The following GNAI1 variants were observed in gnomAD, a reference collection of about 807,000 sequenced individuals.
The protein encoded by GNAI1 is G protein subunit alpha i1, also known as guanine nucleotide-binding protein G(i) subunit alpha-1.
Under a neutral mutation model 38.9 loss-of-function variants are expected in GNAI1, and 11 were observed. That is an observed-to-expected ratio of 0.28 (90% CI 0.18 to 0.47). The LOEUF is 0.47. Among genes scored for constraint, GNAI1 ranks in the 20% least tolerant of loss-of-function variants. GNAI1 has a pLI of 0.99. For missense variants in GNAI1, 317 were observed against 436.9 expected (o/e 0.73, Z 2.45); for synonymous variants, 166 against 145.1 (o/e 1.14, Z -1.04).
At chr7:80,203,904 TAAA>T (rs1788730145) in intron 5 of GNAI1, 72 bp downstream of exon 5, 2 of 914,250 alleles carry the variant, frequency 2.2e-6, no homozygotes, top group Non-Finnish European at 3.2e-6. Flanking sequence ...AAAAGTGTAA[TAAA>T]AGTTTACAAC....
At position 80,203,619 on chromosome 7, in the gene GNAI1, T is replaced by C. The variant is rs1788726006; in HGVS notation, c.462-85T>C. On this transcript the variant is annotated intron_variant, in intron 4 of 7. Transcript: ENST00000649796. ...TAGTGATTTCAGATTATCGCTTGTA[T>C]TGAAATGTGTTTTAATTTTTGTTTT... 1.5e-5 allele frequency: 12 copies of C among 791,584 alleles called. No homozygotes were observed. The South Asian group carries it at 1.8e-4, about 12-fold the overall frequency. 49.0% of individuals were successfully genotyped at this position (791,584 alleles called of 1,614,324 possible). A position where few individuals can be genotyped will look rare whatever the true frequency, so the allele number is the denominator to read the frequency against.
At chr7:80,175,158 A>G (rs549639247) in intron 1 of GNAI1, among the ~76,000 whole-genome samples, 62 of 152,204 alleles carry the variant, frequency 4.1e-4, no homozygotes, top group Non-Finnish European at 7.2e-4. Flanking sequence ...AGAGTTAGCC[A>G]TTCACTTCAA....
rs1425793902 is a variant in GNAI1, at chr7:80,223,101, C to G, written c.*5608C>G. Among the ~76,000 whole-genome samples, 3 of 152,142 alleles carry G rather than the reference C, an allele frequency of 2.0e-5. No individual in the cohort carries two copies. The highest frequency in any genetic ancestry group is 7.2e-5 in the African/African-American group (3 of 41,418). The stretch of plus-strand genomic sequence containing the variant: ...AATATGGTTTCTAACTGAATGCATA[C>G]CAGTTTCGCACCAATGTAAAGTTGA... On this transcript the variant is annotated 3_prime_UTR_variant, in exon 8 of 8. Coordinates refer to ENST00000649796, the MANE Select transcript of GNAI1 (RefSeq NM_002069.6).
chr7:80,172,554 T>C (rs1172609426), intron 1 of GNAI1, among the ~76,000 whole-genome samples: 5 of 152,196 alleles, frequency 3.3e-5, no homozygotes, highest in Non-Finnish European at 5.9e-5. Flanking sequence ...ACCTTTTTTT[T>C]CTTGAAGTAT....
At chr7:80,176,074 C>T (rs547765364) in intron 1 of GNAI1, among the ~76,000 whole-genome samples, 28 of 152,130 alleles carry the variant, frequency 1.8e-4, no homozygotes, top group Non-Finnish European at 2.9e-4. Context: ...AAACATTTAG[C>T]CAAGTTGTGA....
chr7:80,203,491 T>C (rs536489466), intron 4 of GNAI1, among the ~76,000 whole-genome samples: 9 of 152,198 alleles, frequency 5.9e-5, no homozygotes, highest in Non-Finnish European at 7.4e-5. Context: ...TAAAAGAGCT[T>C]TGTGGTTGCA....
intron 3 of GNAI1, among the ~76,000 whole-genome samples, chr7:80,194,028 A>T (rs144876417): frequency 1.4e-3 from 218 of 152,070 alleles, no homozygotes; most frequent in African/African-American, 4.8e-3. Context: ...ATTTACTTTC[A>T]TTAGTTAGTT....
At chr7:80,204,566 A>C (rs187939319) in intron 5 of GNAI1, among the ~76,000 whole-genome samples, 4 of 152,186 alleles carry the variant, frequency 2.6e-5, no homozygotes, top group African/African-American at 9.6e-5. Context: ...GGACTTAAAC[A>C]CAACGAAATA....
chr7:80,188,855 G>GGTGTGTGT (rs148159852), intron 1 of GNAI1, 96 bp from the exon 2 acceptor site: 4 of 700,376 alleles, frequency 5.7e-6, no homozygotes, highest in African/African-American at 1.8e-5. Context: ...AGAGAGACTG[G>GGTGTGTGT]GTGTGTGTGT....
chr7:80,163,005 G>T (rs1787949364), intron 1 of GNAI1, among the ~76,000 whole-genome samples: 1 of 152,108 alleles, frequency 6.6e-6, no homozygotes, highest in Admixed American at 6.5e-5. Context: ...GTTTGTTTTA[G>T]GGAATGTGGC....
At chr7:80,178,981 T>G (rs1174811580) in intron 1 of GNAI1, among the ~76,000 whole-genome samples, 2 of 152,204 alleles carry the variant, frequency 1.3e-5, no homozygotes, top group Admixed American at 1.3e-4. Context: ...ATGGATTTTC[T>G]TCTTATATTT....
intron 5 of GNAI1, among the ~76,000 whole-genome samples, chr7:80,205,924 GC>G (rs1173612270): frequency 2.0e-5 from 3 of 151,964 alleles, no homozygotes; most frequent in African/African-American, 7.2e-5. Flanking sequence ...CTTTGCTTCA[GC>G]TAACTCTGTT....
At chr7:80,169,257 G>T (rs534199422) in intron 1 of GNAI1, among the ~76,000 whole-genome samples, 5 of 152,122 alleles carry the variant, frequency 3.3e-5, no homozygotes, top group Non-Finnish European at 7.4e-5. Context: ...AAGTTCTGTT[G>T]TGACTGTTAA....
chr7:80,189,717 A>G (rs1360640638), intron 3 of GNAI1, among the ~76,000 whole-genome samples: 1 of 152,218 alleles, frequency 6.6e-6, no homozygotes, highest in Non-Finnish European at 1.5e-5. Flanking sequence ...ATTAAAAACC[A>G]TGTATCAAAA....
At chr7:80,135,902 C>T in intron 1 of GNAI1, 1 of 985,410 alleles carries the variant, frequency 1.0e-6, no homozygotes, top group Non-Finnish European at 1.2e-6. Context: ...CTTGATTTTT[C>T]TTGCTGTGGG....
intron 3 of GNAI1, among the ~76,000 whole-genome samples, chr7:80,198,237 G>A (rs924503916): frequency 4.6e-5 from 7 of 151,780 alleles, no homozygotes; most frequent in South Asian, 4.2e-4. Context: ...GTTGTAATAC[G>A]TATGAAAAAA....
At chr7:80,178,704 A>G (rs1362813901) in intron 1 of GNAI1, among the ~76,000 whole-genome samples, 1 of 152,254 alleles carries the variant, frequency 6.6e-6, no homozygotes, top group Non-Finnish European at 1.5e-5. Flanking sequence ...CATAATTGTT[A>G]TATGCACTGG....
At position 80,221,165 on chromosome 7, in the gene GNAI1, A is replaced by T. The variant is rs1789067143; in HGVS notation, c.*3672A>T. ...AGGCTCTGGCACCCCGTCTGGCTTC[A>T]AATCCTGGCTCAATTTCTTATTAAC... On this transcript the variant is annotated 3_prime_UTR_variant, in exon 8 of 8. Coordinates refer to ENST00000649796, the MANE Select transcript of GNAI1 (RefSeq NM_002069.6). Among the ~76,000 whole-genome samples the T allele has an allele frequency of 6.6e-6, 1 of 152,202 alleles. No individual in the cohort carries two copies. Among genetic ancestry groups the T allele is most frequent in the Admixed American group, 6.5e-5 (1 of 15,278 alleles).
At chr7:80,167,439 A>G (rs1468573152) in intron 1 of GNAI1, among the ~76,000 whole-genome samples, 2 of 152,208 alleles carry the variant, frequency 1.3e-5, no homozygotes, top group Non-Finnish European at 2.9e-5. Context: ...CACCTGGAGT[A>G]GTAGCTCCCA....
Sources: allele counts gnomAD v4.1 joint callset (sites outside exome capture counted in the v4.1 genomes callset), GRCh38; gene constraint gnomAD v4.1.1; transcripts MANE v1.5; gene names NCBI Gene and HGNC (gene_info 2026-07-23, HGNC 2026-07-21).